The following ZKSCAN1 variants were observed in gnomAD, a reference collection of about 807,000 sequenced individuals.
The protein encoded by ZKSCAN1 is zinc finger protein with KRAB and SCAN domains 1.
A neutral mutation model predicts 51.6 loss-of-function variants in ZKSCAN1; 14 were observed. The ratio of observed to expected loss-of-function variants is 0.27; its 90% CI spans 0.18 to 0.42. The LOEUF is 0.42. Among genes scored for constraint, ZKSCAN1 ranks in the 10% least tolerant of loss-of-function variants. ZKSCAN1 has a pLI of 1.00. For missense variants in ZKSCAN1, 531 were observed against 710.0 expected (o/e 0.75, Z 2.86); for synonymous variants, 263 against 261.5 (o/e 1.01, Z -0.06).
At chr7:100,024,024 T>C in intron 2 of ZKSCAN1, 92 bp downstream of exon 2, 1 of 1,519,378 alleles carries the variant, frequency 6.6e-7, no homozygotes. Context: ...GGTTATTAGG[T>C]GGTTACTCTG....
Position 100,036,486 on chromosome 7 carries a change from G to C in ZKSCAN1, c.*2289G>C. The C allele has an allele frequency of 1.0e-6, 1 of 975,572 alleles. No individual in the cohort carries two copies. Among genetic ancestry groups the C allele is most frequent in the Non-Finnish European group, 1.2e-6 (1 of 820,928 alleles). 60.4% of individuals were successfully genotyped at this position (975,572 alleles called of 1,614,324 possible). On this transcript the variant is annotated 3_prime_UTR_variant, in exon 6 of 6. Transcript: ENST00000324306. ...AATCCCAGCACTTTGGGAGGCCGAGGTGAGCGGATCACCTGAGGTCAGGAG... is the reference window on the plus strand; with the variant it reads ...AATCCCAGCACTTTGGGAGGCCGAGCTGAGCGGATCACCTGAGGTCAGGAG...
chr7:100,022,115 C>T (rs1185263711), intron 1 of ZKSCAN1, among the ~76,000 whole-genome samples: 2 of 152,194 alleles, frequency 1.3e-5, no homozygotes, highest in African/African-American at 2.4e-5. Flanking sequence ...AGTGCAGTGG[C>T]GCGATCTCGG....
chr7:100,021,752 T>G (rs1408209213), intron 1 of ZKSCAN1, among the ~76,000 whole-genome samples: 1 of 151,510 alleles, frequency 6.6e-6, no homozygotes, highest in African/African-American at 2.4e-5. Flanking sequence ...TTTTTTTTTT[T>G]TTTCCTTTTC....
At chr7:100,028,787 A>T (rs1265561361) in intron 3 of ZKSCAN1, among the ~76,000 whole-genome samples, 1 of 134,550 alleles carries the variant, frequency 7.4e-6, no homozygotes, top group South Asian at 2.5e-4. Flanking sequence ...CCATGCATAC[A>T]TCTTATCAAA....
rs191265697 is a variant in ZKSCAN1 at position 100,033,527 on chromosome 7, T to C, written c.1022T>C (p.Ile341Thr). 1.3e-5 allele frequency: 21 copies of C among 1,613,780 alleles called. No individual in the cohort carries two copies. Among genetic ancestry groups the C allele is most frequent in the Admixed American group, 8.3e-5 (5 of 59,994 alleles). ...GCTATAGGAAAGGACAAAAAAACCA[T>C]CACAGGAGAGAGAGGTCCAAGGGAG... Reference protein sequence around the residue: ...GPAIGKDKKTITGERGPREKG... With the variant: ...GPAIGKDKKTTTGERGPREKG... The change falls in exon 6 of 6, where the codon ATC becomes ACC. Residue 341 changes from isoleucine to threonine, a missense_variant. Physicochemically the swap from Ile to Thr is moderately conservative, Grantham distance 89. This residue lies in a region of ZKSCAN1 where 403 missense variants were observed against 490.5 expected (regional missense o/e 0.82). Transcript: ENST00000324306. This position sits in a 1 kb window ranked among gnomAD's most constrained non-coding sequence, Gnocchi z 4.1.
Position 100,039,645 on chromosome 7 carries a change from T to G in ZKSCAN1, c.*5448T>G, listed in dbSNP as rs1791511721. Reference sequence around the variant, plus strand: ...CTTATCCAAAGCCAGCTAACCAGGTTCATCCTACCATCCTCATGGAAGACT... The same window carrying G: ...CTTATCCAAAGCCAGCTAACCAGGTGCATCCTACCATCCTCATGGAAGACT... On this transcript the variant is annotated 3_prime_UTR_variant, in exon 6 of 6. Coordinates refer to ENST00000324306, the MANE Select transcript of ZKSCAN1 (RefSeq NM_003439.4). The G allele has an allele frequency of 1.0e-6, 1 of 985,446 alleles. No homozygotes were observed. 61.0% of individuals were successfully genotyped at this position (985,446 alleles called of 1,614,324 possible). A position where few individuals can be genotyped will look rare whatever the true frequency, so the allele number is the denominator to read the frequency against.
At position 100,040,327 on chromosome 7, in the gene ZKSCAN1, G is replaced by A. The variant is rs186518329; in HGVS notation, c.*6130G>A. ...GGTAGACTTCTAAATCATGGTCTCT[G>A]ACAATTTGAATCTGAGATTCTCACC... On this transcript the variant is annotated 3_prime_UTR_variant, in exon 6 of 6. Transcript: ENST00000324306. The A allele has an allele frequency of 8.1e-6, 8 of 985,374 alleles. No homozygotes were observed. In the East Asian group the frequency reaches 7.9e-4, roughly 98 times the overall value. 61.0% of individuals were successfully genotyped at this position (985,374 alleles called of 1,614,324 possible).
At chr7:100,044,680 CAAAAAAAAAA>C (rs59706759), downstream of ZKSCAN1, 10 of 414,944 alleles carry the variant, frequency 2.4e-5, no homozygotes, top group African/African-American at 1.4e-4. Context: ...GACTCTATCT[CAAAAAAAAAA>C]AAAAAAAAAA....
chr7:100,035,494 T>A lies in ZKSCAN1; in HGVS notation c.*1297T>A, dbSNP rs536966965. 6.6e-6 allele frequency: 1 copy of A among 152,142 alleles called. No homozygotes were observed. The highest frequency in any genetic ancestry group is 2.4e-5 in the African/African-American group (1 of 41,442). 9.4% of individuals were successfully genotyped at this position (152,142 alleles called of 1,614,324 possible). On this transcript the variant is annotated 3_prime_UTR_variant, in exon 6 of 6. Coordinates refer to ENST00000324306, the MANE Select transcript of ZKSCAN1 (RefSeq NM_003439.4). ...GTTAGCTGCTGAACAGTATGATGAT[T>A]TGGGGATTTTCTGAATCATTTGTAC...
Position 100,033,777 on chromosome 7 carries a change from G to C in ZKSCAN1, c.1272G>C (p.Gln424His), listed in dbSNP as rs746347910. ...TTAACTCCAACCTTGTCCTGCATCA[G>C]AGGATCCACACAGGAGAGAAACCTC... is the stretch of plus-strand genomic sequence containing the variant. ...FSLNSNLVLHQRIHTGEKPHE... is the reference protein window; with the variant it reads ...FSLNSNLVLHHRIHTGEKPHE... Residue 424 changes from glutamine to histidine, a missense_variant, in exon 6 of 6, where the codon CAG becomes CAC. Physicochemically the swap from Gln to His is conservative, Grantham distance 24 (BLOSUM62 0). Coordinates refer to ENST00000324306, the MANE Select transcript of ZKSCAN1 (RefSeq NM_003439.4). This position sits in a 1 kb window ranked among gnomAD's most constrained non-coding sequence, Gnocchi z 4.1. 1.4e-5 allele frequency: 23 copies of C among 1,614,094 alleles called. No homozygotes were observed. Among genetic ancestry groups the C allele is most frequent in the East Asian group, 2.2e-5 (1 of 44,868 alleles).
chr7:100,020,335 T>C (rs1445595736), intron 1 of ZKSCAN1, among the ~76,000 whole-genome samples: 1 of 151,930 alleles, frequency 6.6e-6, no homozygotes, highest in Non-Finnish European at 1.5e-5. Context: ...GGAAGGTTTA[T>C]GGGGGGATTG....
At chr7:100,031,337 C>G (rs528929311) in intron 5 of ZKSCAN1, among the ~76,000 whole-genome samples, 3 of 128,904 alleles carry the variant, frequency 2.3e-5, no homozygotes, top group Non-Finnish European at 4.6e-5. Flanking sequence ...GCATGCAGTG[C>G]TGCGATCACA....
chr7:100,030,302 A>T lies in ZKSCAN1; in HGVS notation c.726A>T (p.Gly242=). 1.2e-6 allele frequency: 2 copies of T among 1,614,120 alleles called. No homozygotes were observed. The highest frequency in any genetic ancestry group is 1.7e-6 in the Non-Finnish European group (2 of 1,180,020). Residue 242 remains glycine, a synonymous_variant, in exon 5 of 6, where the codon GGA becomes GGT. Coordinates refer to ENST00000324306, the MANE Select transcript of ZKSCAN1 (RefSeq NM_003439.4). ...TGTCCCTCATTCTGGAGGAATGGGG[A>T]TGTCAGAATCTGGCTCGGAGGAATC... ...MAVSLILEEW[G]CQNLARRNLS...
Position 100,023,567 on chromosome 7 carries a change from G to A in ZKSCAN1, c.61G>A (p.Asp21Asn). 1 of 1,613,690 alleles carries A rather than the reference G, an allele frequency of 6.2e-7. No homozygotes were observed. Among genetic ancestry groups the A allele is most frequent in the Non-Finnish European group, 8.5e-7 (1 of 1,180,058 alleles). ...GTCCCCACAGGCTGCACAGGAGAAG[G>A]ATGGTATCGTAATAGTGAAGGTGGA... ...GLSPQAAQEK[D>N]GIVIVKVEEE... Residue 21 changes from aspartate to asparagine, a missense_variant, in exon 2 of 6, where the codon GAT becomes AAT. Coordinates refer to ENST00000324306, the MANE Select transcript of ZKSCAN1 (RefSeq NM_003439.4).
downstream of ZKSCAN1, among the ~76,000 whole-genome samples, chr7:100,042,155 C>T (rs1039144707): frequency 2.0e-5 from 3 of 151,946 alleles, no homozygotes; most frequent in Non-Finnish European, 4.4e-5. Flanking sequence ...CCCCTCTCTA[C>T]TAAAAATACA....
intron 3 of ZKSCAN1, 132 bp from the exon 4 acceptor site, chr7:100,029,728 TG>T: frequency 1.3e-6 from 1 of 777,548 alleles, no homozygotes; most frequent in Non-Finnish European, 2.0e-6. Context: ...TTGTGTTGTC[TG>T]GAATTCTGTA....
At chr7:100,026,930 CT>C (rs1425032674) in intron 3 of ZKSCAN1, among the ~76,000 whole-genome samples, 1 of 151,670 alleles carries the variant, frequency 6.6e-6, no homozygotes, top group Non-Finnish European at 1.5e-5. Flanking sequence ...TTATTTTATA[CT>C]TTTTAAGCTT....
Position 100,038,558 on chromosome 7 carries a change from A to ATTCTCTTGTCAGTAGACGGTC in ZKSCAN1, c.*4367_*4387dup. ...TGACCACTGTGTGCAAAGGGGATGG[A>ATTCTCTTGTCAGTAGACGGTC]TTCTCTTGTCAGTAGACGGTCTTCT... is the stretch of plus-strand genomic sequence containing the variant. On this transcript the variant is annotated 3_prime_UTR_variant, in exon 6 of 6. Coordinates refer to ENST00000324306, the MANE Select transcript of ZKSCAN1 (RefSeq NM_003439.4). 1.0e-6 allele frequency: 1 copy of ATTCTCTTGTCAGTAGACGGTC among 985,462 alleles called. No homozygotes were observed. Among genetic ancestry groups the ATTCTCTTGTCAGTAGACGGTC allele is most frequent in the South Asian group, 4.7e-5 (1 of 21,288 alleles). 61.0% of individuals were successfully genotyped at this position (985,462 alleles called of 1,614,324 possible). A position where few individuals can be genotyped will look rare whatever the true frequency, so the allele number is the denominator to read the frequency against.
rs779384546 is a variant in ZKSCAN1 at position 100,015,917 on chromosome 7, G to C, written c.-89+191G>C. On this transcript the variant is annotated intron_variant, in intron 1 of 5. Coordinates refer to ENST00000324306, the MANE Select transcript of ZKSCAN1 (RefSeq NM_003439.4). The stretch of plus-strand genomic sequence containing the variant: ...GCCGTTCTTCCTGGGAGACGTCCCC[G>C]CCCCACCCCCAGGATCAGGCGGGGA... Among the ~76,000 whole-genome samples the C allele has an allele frequency of 2.0e-4, 31 of 152,244 alleles. 1 individual carries two copies. Among genetic ancestry groups the C allele is most frequent in the Admixed American group, 2.0e-3 (30 of 15,300 alleles).
Sources: allele counts gnomAD v4.1 joint callset (sites outside exome capture counted in the v4.1 genomes callset), GRCh38; gene constraint gnomAD v4.1.1; regional missense constraint gnomAD v4.1.1; non-coding constraint Gnocchi (gnomAD v3.1); transcripts MANE v1.5; gene names NCBI Gene and HGNC (gene_info 2026-07-23, HGNC 2026-07-21).